The following RNF212B variants were observed in gnomAD, a reference collection of about 807,000 sequenced individuals.
RNF212B encodes the protein E3 ubiquitin-protein ligase RNF212B.
RNF212B carries 52 observed loss-of-function variants against 55.5 expected under a neutral mutation model. The ratio of observed to expected loss-of-function variants is 0.94; its 90% CI spans 0.75 to 1.18. The LOEUF is 1.18. Ranked by LOEUF, RNF212B falls within the 50% of genes most tolerant of loss-of-function variation. The probability of loss-of-function intolerance (pLI) is 0.00; values close to 1 mark genes in which losing one functional copy is unlikely to be tolerated. For synonymous variants in RNF212B, 99 were observed against 121.4 expected (o/e 0.82, Z 1.21); for missense variants, 289 against 350.4 (o/e 0.82, Z 1.40).
At position 23,269,901 on chromosome 14, in the gene RNF212B, T is replaced by C. The variant is rs1286762314; in HGVS notation, c.713T>C (p.Phe238Ser). The change falls in exon 13 of 15, where the codon TTC (phenylalanine) becomes TCC (serine). Residue 238 changes from phenylalanine to serine, a missense_variant. Transcript: ENST00000430154. The stretch of plus-strand genomic sequence containing the variant: ...TCCTCTGGACAGGGGATTTTTTCTT[T>C]CAGACCATCCCCAAATGGGCATTCA... ...SASSGQGIFS[F>S]RPSPNGHSGH... 1 of 1,549,906 alleles carries C rather than the reference T, an allele frequency of 6.5e-7. No homozygotes were observed. Among genetic ancestry groups the C allele is most frequent in the African/African-American group, 1.4e-5 (1 of 73,160 alleles).
chr14:23,222,910 C>T (rs761234172), intron 2 of RNF212B, among the ~76,000 whole-genome samples: 15 of 151,704 alleles, frequency 9.9e-5, no homozygotes, highest in African/African-American at 2.2e-4. Context: ...AAAAATTAGC[C>T]GGGCATGGTG....
chr14:23,272,776 T>C (rs1886202910), intron 14 of RNF212B, 47 bp from the exon 15 acceptor site: 2 of 1,256,282 alleles, frequency 1.6e-6, no homozygotes, highest in East Asian at 5.0e-5. Context: ...GCTTGCCCTT[T>C]TTGCTGTTAT....
chr14:23,202,268 A>G (rs2140371005), intron 2 of RNF212B, among the ~76,000 whole-genome samples: 1 of 137,250 alleles, frequency 7.3e-6, no homozygotes, highest in Non-Finnish European at 1.6e-5. Context: ...AAAAAAAAAA[A>G]GCAGTTGGTT....
intron 1 of RNF212B, among the ~76,000 whole-genome samples, chr14:23,190,132 C>T (rs1208161836): frequency 6.6e-6 from 1 of 152,114 alleles, no homozygotes; most frequent in East Asian, 1.9e-4. Context: ...TCTTTTTAGG[C>T]TCCTGGCTGG....
At chr14:23,203,107 G>A (rs1323937516) in intron 2 of RNF212B, among the ~76,000 whole-genome samples, 1 of 151,924 alleles carries the variant, frequency 6.6e-6, no homozygotes, top group African/African-American at 2.4e-5. Flanking sequence ...CACCCTATTT[G>A]TAGTCTTTTA....
intron 5 of RNF212B, 29 bp downstream of exon 5, chr14:23,258,693 CTTTTTTTT>C: frequency 3.4e-6 from 2 of 590,438 alleles, no homozygotes; most frequent in South Asian, 2.6e-5. Flanking sequence ...CCCAAGAGAG[CTTTTTTTT>C]TTTTTTTTTT....
At chr14:23,240,095 A>C (rs1171524734) in intron 1 of RNF212B, among the ~76,000 whole-genome samples, 1 of 151,382 alleles carries the variant, frequency 6.6e-6, no homozygotes, top group African/African-American at 2.4e-5. Flanking sequence ...GTTTATATGT[A>C]TATATATATA....
chr14:23,228,503 G>A (rs1882243366), intron 2 of RNF212B, among the ~76,000 whole-genome samples: 1 of 151,062 alleles, frequency 6.6e-6, no homozygotes, highest in Non-Finnish European at 1.5e-5. Context: ...AGGTGTGGTG[G>A]CATGTGCCTG....
chr14:23,209,028 G>A (rs536630601), intron 2 of RNF212B, among the ~76,000 whole-genome samples: 1 of 152,130 alleles, frequency 6.6e-6, no homozygotes, highest in East Asian at 1.9e-4. Context: ...AGAGTGCTGG[G>A]ATTACAGGCG....
At chr14:23,252,322 T>A (rs1028064038) in intron 4 of RNF212B, among the ~76,000 whole-genome samples, 13 of 152,246 alleles carry the variant, frequency 8.5e-5, no homozygotes, top group South Asian at 2.1e-4. Flanking sequence ...GAAGACCATA[T>A]ATGTATTTCT....
chr14:23,265,858 G>T (rs1188278982), intron 11 of RNF212B, among the ~76,000 whole-genome samples: 1 of 152,078 alleles, frequency 6.6e-6, no homozygotes, highest in East Asian at 1.9e-4. Context: ...TTATTGATTT[G>T]AGATCTTTTT....
intron 2 of RNF212B, among the ~76,000 whole-genome samples, chr14:23,216,560 T>A (rs771202964): frequency 2.0e-4 from 30 of 149,152 alleles, no homozygotes; most frequent in Non-Finnish European, 3.8e-4. Context: ...AAATAAATTA[T>A]GCTAAGTAAA....
intron 2 of RNF212B, among the ~76,000 whole-genome samples, chr14:23,227,733 G>T (rs529976111): frequency 6.6e-6 from 1 of 152,080 alleles, no homozygotes; most frequent in East Asian, 2.0e-4. Flanking sequence ...CTTAGTAGCT[G>T]GGACTACAGG....
At chr14:23,248,334 C>T (rs1163108545) in intron 4 of RNF212B, among the ~76,000 whole-genome samples, 1 of 149,506 alleles carries the variant, frequency 6.7e-6, no homozygotes, top group East Asian at 2.0e-4. Flanking sequence ...CAGGGTTTTA[C>T]CATGTTGCCC....
At chr14:23,262,009 A>C (rs146187230) in intron 7 of RNF212B, among the ~76,000 whole-genome samples, 1,762 of 152,034 alleles carry the variant, frequency 0.012, 15 homozygotes, top group African/African-American at 0.029. Flanking sequence ...AACTCTCTCT[A>C]TATATACACA....
rs568037129 is a variant in RNF212B at position 23,253,450 on chromosome 14, C to A, written c.229-5099C>A. On this transcript the variant is annotated intron_variant, in intron 4 of 14. Transcript: ENST00000430154. The stretch of plus-strand genomic sequence containing the variant: ...ATTTTGTTTATTGTACCTATGGAGT[C>A]ATTTCATATGTTCCTCTGTCCTCTA... Among the ~76,000 whole-genome samples the A allele has an allele frequency of 5.3e-5, 8 of 152,132 alleles. No individual in the cohort carries two copies. In the East Asian group the frequency reaches 1.5e-3, roughly 29 times the overall value.
intron 4 of RNF212B, among the ~76,000 whole-genome samples, chr14:23,246,286 A>G (rs1299269907): frequency 6.6e-6 from 1 of 152,102 alleles, no homozygotes; most frequent in Non-Finnish European, 1.5e-5. Flanking sequence ...CTTATATGTC[A>G]GCTCCTAACA....
rs776673043 is a variant in RNF212B at position 23,228,462 on chromosome 14, CAAAAAAAAA to C, written c.-1-11866_-1-11858del. 2.4e-4 allele frequency among the ~76,000 whole-genome samples: 18 copies of C among 76,102 alleles called. No homozygotes were observed. The Admixed American group carries it at 2.5e-3, about 11-fold the overall frequency. 49.9% of individuals were successfully genotyped at this position (76,102 alleles called of 152,430 possible). On this transcript the variant is annotated intron_variant, in intron 2 of 15. Coordinates refer to the RNF212B transcript ENST00000399910. ...CCACATAGTAAAACCCTATCTCTACCAAAAAAAAAAAAAAAAAAAAAAAAATTAACAGGT... is the reference window on the plus strand; with the variant it reads ...CCACATAGTAAAACCCTATCTCTACCAAAAAAAAAAAAAAAATTAACAGGT...
At chr14:23,201,206 C>G (rs1320121844) in intron 2 of RNF212B, among the ~76,000 whole-genome samples, 1 of 152,158 alleles carries the variant, frequency 6.6e-6, no homozygotes, top group East Asian at 1.9e-4. Context: ...ATTCTGATGT[C>G]ACAATCTCCA....
Sources: allele counts gnomAD v4.1 joint callset (sites outside exome capture counted in the v4.1 genomes callset), GRCh38; gene constraint gnomAD v4.1.1; transcripts MANE v1.5; gene names NCBI Gene and HGNC (gene_info 2026-07-23, HGNC 2026-07-21).